PNPLA6: variants seen among roughly 807,000 people sequenced by gnomAD.
The protein encoded by PNPLA6 is patatin-like phospholipase domain-containing protein 6.
Under a neutral mutation model 153.7 loss-of-function variants are expected in PNPLA6, and 105 were observed. The ratio of observed to expected loss-of-function variants is 0.68; its 90% CI spans 0.58 to 0.80. PNPLA6 has a LOEUF of 0.80. Among genes scored for constraint, PNPLA6 ranks in the 30% least tolerant of loss-of-function variants. The pLI is 0.00. For synonymous variants in PNPLA6, 825 were observed against 822.2 expected, an observed-to-expected ratio of 1.00 and a Z score of -0.06; for missense variants, 1,423 against 1,919.3, an observed-to-expected ratio of 0.74 and a Z score of 4.83.
chr19:7,557,291 G>C lies in PNPLA6; in HGVS notation c.3397+7G>C, dbSNP rs753843168. On this transcript the variant is annotated splice_region_variant and intron_variant, in intron 27 of 31. Coordinates refer to ENST00000600737, the MANE Select transcript of PNPLA6 (RefSeq NM_001166114.2). ...TACATCAACAATCTGCCAGGCAAGT[G>C]GCCGCCCGCACCACCCGCACACGCA... is the stretch of plus-strand genomic sequence containing the variant. 1 of 1,569,676 alleles carries C rather than the reference G, an allele frequency of 6.4e-7. No homozygotes were observed. The highest frequency in any genetic ancestry group is 8.8e-7 in the Non-Finnish European group (1 of 1,141,814).
rs112247003 is a variant in PNPLA6, at chr19:7,548,094, C to G, written c.1609-1813C>G. Reference sequence around the variant, plus strand: ...GGCATAGTGGCACACACCTGTAATCCCAGCACTTTGAGAGGCCAAGGCGGT... The same window carrying G: ...GGCATAGTGGCACACACCTGTAATCGCAGCACTTTGAGAGGCCAAGGCGGT... On this transcript the variant is annotated intron_variant, in intron 13 of 31. Coordinates refer to ENST00000600737, the MANE Select transcript of PNPLA6 (RefSeq NM_001166114.2). Among the ~76,000 whole-genome samples, 937 of 151,788 alleles carry G rather than the reference C, an allele frequency of 6.2e-3. 9 individuals carry two copies. The highest frequency in any genetic ancestry group is 0.021 in the African/African-American group (889 of 41,420).
rs565416664 is a variant in PNPLA6, at chr19:7,561,418, TG to T, written c.4024-67del. 2.8e-5 allele frequency: 41 copies of T among 1,443,622 alleles called. 1 individual carries two copies. The South Asian group carries it at 4.2e-4, about 15-fold the overall frequency. 89.4% of individuals were successfully genotyped at this position (1,443,622 alleles called of 1,614,324 possible). On this transcript the variant is annotated intron_variant, in intron 31 of 31. Transcript: ENST00000600737. ...GGCGTATTTGAGATCCTGTGTGTGC[TG>T]GGTGCTGGCTGACATGTGACGCATC...
rs11307097 is a variant in PNPLA6 at position 7,561,127 on chromosome 19, A to AC, written c.3913+23dup. 10 of 1,598,148 alleles carry AC rather than the reference A, an allele frequency of 6.3e-6. No homozygotes were observed. In the African/African-American group the frequency reaches 9.4e-5, roughly 15 times the overall value. On this transcript the variant is annotated intron_variant, in intron 30 of 31. Coordinates refer to ENST00000600737, the MANE Select transcript of PNPLA6 (RefSeq NM_001166114.2). ...GTGCTGACGGTGAGGGGCCCAGGGG[A>AC]CCCCCCAAGAGGGAGGGGAGTGGCT...
rs1555748498 is a variant in PNPLA6, at chr19:7,551,012, C to G, written c.2089C>G (p.Gln697Glu). The G allele has an allele frequency of 1.3e-6, 2 of 1,546,050 alleles. No homozygotes were observed. The highest frequency in any genetic ancestry group is 1.2e-5 in the South Asian group (1 of 83,988). ...LIGVVEALTR[Q>E]PRATTVHAVR... is the part of the protein sequence containing the mutation. ...CCCCCAGGTGGAGGCACTGACCCGG[C>G]AGCCGCGAGCCACGACGGTGCACGC... Residue 697 changes from glutamine (Q) to glutamate (E), a missense_variant, in exon 17 of 32, where the codon CAG becomes GAG. Gln to Glu is a conservative substitution (Grantham distance 29). This residue lies in a region of PNPLA6 where 63 missense variants were observed against 166.2 expected (regional missense o/e 0.38). Transcript: ENST00000600737.
At position 7,555,151 on chromosome 19, in the gene PNPLA6, G is replaced by A; in HGVS notation, c.2817+76G>A. 2 of 1,542,774 alleles carry A rather than the reference G, an allele frequency of 1.3e-6. No individual in the cohort carries two copies. The highest frequency in any genetic ancestry group is 1.8e-6 in the Non-Finnish European group (2 of 1,142,548). ...GCTTGGGAGACTGGGGCGGGGCCTG[G>A]GAGGGCTGAGGACAGGCTCGAAGGT... On this transcript the variant is annotated intron_variant, in intron 22 of 31. Coordinates refer to ENST00000600737, the MANE Select transcript of PNPLA6 (RefSeq NM_001166114.2). This position sits in a 1 kb window ranked among gnomAD's most constrained non-coding sequence, Gnocchi z 6.3.
intron 18 of PNPLA6, among the ~76,000 whole-genome samples, chr19:7,552,316 G>A (rs1312285948): frequency 6.6e-6 from 1 of 152,292 alleles, no homozygotes; most frequent in East Asian, 1.9e-4. Flanking sequence ...ATGAGGGCCT[G>A]AGTTTCTACA....
In PNPLA6 at chr19:7,541,102, C is replaced by A; in HGVS notation, c.924+51C>A. ...CCCCCTGAGGGACCCCACCCTGGCC[C>A]CCACCCATTCCAGGCTCCAAGGGAC... On this transcript the variant is annotated intron_variant, in intron 7 of 31. Transcript: ENST00000600737. The surrounding 1 kb of genome is among the most constrained non-coding windows in gnomAD (Gnocchi z 5.2). The A allele has an allele frequency of 6.3e-7, 1 of 1,579,770 alleles. No individual in the cohort carries two copies. The highest frequency in any genetic ancestry group is 1.1e-5 in the South Asian group (1 of 87,540).
rs2023586543 is a variant in PNPLA6, at chr19:7,550,290, TC to T, written c.1815-6del. ...CCTTCCTCTTTCATCCCAAGTCTGT[TC>T]CTGCAGGATCATGCGCGCACAGCCC... is the stretch of plus-strand genomic sequence containing the variant. On this transcript the variant is annotated splice_polypyrimidine_tract_variant and splice_region_variant and intron_variant, in intron 14 of 31. Transcript: ENST00000600737. 1 of 1,612,824 alleles carries T rather than the reference TC, an allele frequency of 6.2e-7. No individual in the cohort carries two copies. Among genetic ancestry groups the T allele is most frequent in the Admixed American group, 1.7e-5 (1 of 60,012 alleles).
intron 26 of PNPLA6, 186 bp downstream of exon 26, chr19:7,556,910 G>A: frequency 2.9e-6 from 2 of 691,980 alleles, no homozygotes; most frequent in East Asian, 5.4e-5. Flanking sequence ...CGTCCTTGGG[G>A]GAGGGGAGCA....
intron 20 of PNPLA6, 86 bp downstream of exon 20, chr19:7,554,358 T>A: frequency 7.4e-7 from 1 of 1,351,354 alleles, no homozygotes; most frequent in Non-Finnish European, 1.1e-6. Context: ...GTTCTTGGCT[T>A]CCAACCACGG....
chr19:7,546,654 C>T (rs559855991), intron 13 of PNPLA6, among the ~76,000 whole-genome samples: 62 of 152,256 alleles, frequency 4.1e-4, no homozygotes, highest in South Asian at 2.1e-3. Flanking sequence ...GGTGATCCGC[C>T]TGCCTCACCC....
At chr19:7,549,109 T>A (rs12459908) in intron 13 of PNPLA6, among the ~76,000 whole-genome samples, 101,190 of 150,132 alleles carry the variant, frequency 0.67, 34,714 homozygotes, top group South Asian at 0.78. Context: ...GGCTAAAAAA[T>A]ATTTTTATAT....
chr19:7,560,455 G>C, intron 28 of PNPLA6, 193 bp from the exon 29 acceptor site: 1 of 649,720 alleles, frequency 1.5e-6, no homozygotes, highest in East Asian at 2.8e-5. Context: ...AGATTGATTG[G>C]TAATGTCTGT....
chr19:7,545,597 G>T (rs975138494), intron 13 of PNPLA6, among the ~76,000 whole-genome samples: 2 of 152,110 alleles, frequency 1.3e-5, no homozygotes, highest in Non-Finnish European at 2.9e-5. Flanking sequence ...ATCTCGAACT[G>T]TGTGCTGCTG....
At position 7,554,640 on chromosome 19, in the gene PNPLA6, A is replaced by G; in HGVS notation, c.2551A>G (p.Thr851Ala). The G allele has an allele frequency of 6.2e-7, 1 of 1,613,852 alleles. No individual in the cohort carries two copies. Among genetic ancestry groups the G allele is most frequent in the African/African-American group, 1.3e-5 (1 of 74,960 alleles). Residue 851 changes from threonine to alanine, a missense_variant, in exon 21 of 32, where the codon ACG becomes GCG. Thr to Ala is a moderately conservative substitution (Grantham distance 58, BLOSUM62 0). Transcript: ENST00000600737. ...IVLYQTDASL[T>A]PWTVRCLRQA... is the part of the protein sequence containing the mutation. The stretch of plus-strand genomic sequence containing the variant: ...ACTCTACCAGACGGACGCCTCGCTG[A>G]CGCCCTGGACCGTGCGCTGCCTGCG...
rs1242705662 is a variant in PNPLA6, at chr19:7,542,825, A to G, written c.1427A>G (p.Glu476Gly). 6.2e-7 allele frequency: 1 copy of G among 1,613,092 alleles called. No individual in the cohort carries two copies. Among genetic ancestry groups the G allele is most frequent in the East Asian group, 2.2e-5 (1 of 44,884 alleles). The change falls in exon 12 of 32, where the codon GAG becomes GGG. Residue 476 changes from glutamate (E) to glycine (G), a missense_variant. Transcript: ENST00000600737. The part of the protein sequence containing the change: ...GACEYSYCED[E>G]SATGGCPFGP... ...TGTGAATACAGCTACTGTGAGGATGAGTCGGCCACTGGTGGCTGCCCTTTC... is the reference window on the plus strand; with the variant it reads ...TGTGAATACAGCTACTGTGAGGATGGGTCGGCCACTGGTGGCTGCCCTTTC...
chr19:7,545,177 C>A (rs2023334424), intron 13 of PNPLA6, among the ~76,000 whole-genome samples: 1 of 152,132 alleles, frequency 6.6e-6, no homozygotes, highest in African/African-American at 2.4e-5. Context: ...CAGTCACGTG[C>A]CACCACGCCT....
At position 7,561,507 on chromosome 19, in the gene PNPLA6, T is replaced by C; in HGVS notation, c.4043T>C (p.Leu1348Pro). ...TCGCAGGAGGAGGAGAAGTCGATTC[T>C]CCGGCAACGACGCTGTCTGCCCCAG... ...ASEMEEEKSI[L>P]RQRRCLPQEP... is the part of the protein sequence containing the mutation. The change falls in exon 32 of 32, where the codon CTC (leucine) becomes CCC (proline). Residue 1348 changes from leucine to proline, a missense_variant. Leu to Pro is a moderately conservative substitution (Grantham distance 98, BLOSUM62 -3). Transcript: ENST00000600737. 6.2e-7 allele frequency: 1 copy of C among 1,608,822 alleles called. No individual in the cohort carries two copies. Among genetic ancestry groups the C allele is most frequent in the African/African-American group, 1.3e-5 (1 of 74,960 alleles).
chr19:7,541,758 G>A lies in PNPLA6; in HGVS notation c.1168+74G>A. ...GTCTCAGCCGCCAGCCCCTTTTTCA[G>A]TTCTGCATAGAGTCAACCTGACCTT... is the stretch of plus-strand genomic sequence containing the variant. On this transcript the variant is annotated intron_variant, in intron 9 of 31. Transcript: ENST00000600737. The surrounding 1 kb of genome is among the most constrained non-coding windows in gnomAD (Gnocchi z 5.2). The A allele has an allele frequency of 6.8e-7, 1 of 1,481,142 alleles. No individual in the cohort carries two copies. The allele number at this position is 1,481,142 out of a possible 1,614,324, so 91.7% of individuals were successfully genotyped here.
Sources: gnomAD v4.1 joint callset for allele counts (sites outside exome capture counted in the v4.1 genomes callset) on GRCh38, gnomAD v4.1.1 for gene constraint, gnomAD v4.1.1 regional missense constraint, Gnocchi (gnomAD v3.1) non-coding constraint, MANE v1.5 for transcripts, NCBI Gene and HGNC (gene_info 2026-07-23, HGNC 2026-07-21) for gene names.